Variants in NOX3 observed in about 807,000 individuals in gnomAD.
NOX3 encodes the protein NADPH oxidase catalytic subunit-like 3.
In NOX3, 74 loss-of-function variants were observed where a neutral mutation model predicts 76.7. The ratio of observed to expected loss-of-function variants is 0.96; its 90% CI spans 0.80 to 1.17. NOX3 has a LOEUF of 1.17. Among genes scored for constraint, NOX3 ranks in the 50% most tolerant of loss-of-function variants. The probability of loss-of-function intolerance (pLI) is 0.00; values close to 1 mark genes in which losing one functional copy is unlikely to be tolerated. For synonymous variants in NOX3, 263 were observed against 261.1 expected (o/e 1.01, Z -0.07); for missense variants, 695 against 703.3 (o/e 0.99, Z 0.13).
chr6:155,413,391 G>A (rs376934500), intron 10 of NOX3, among the ~76,000 whole-genome samples: 74 of 152,008 alleles, frequency 4.9e-4, no homozygotes, highest in East Asian at 4.3e-3. Context: ...CTTTGGGGCC[G>A]TTGTAGACTT....
intron 12 of NOX3, among the ~76,000 whole-genome samples, chr6:155,401,790 CA>C (rs5881135): frequency 0.15 from 15,054 of 99,308 alleles, 1,122 homozygotes; most frequent in East Asian, 0.27. Context: ...ACTGAAATTA[CA>C]AAAAAAAAAA....
In NOX3 at chr6:155,439,771, T is replaced by G. The variant is rs183870311; in HGVS notation, c.668+185A>C. 9.9e-5 allele frequency among the ~76,000 whole-genome samples: 15 copies of G among 152,232 alleles called. 1 individual carries two copies. The highest frequency in any genetic ancestry group is 7.2e-4 in the Admixed American group (11 of 15,292). ...AGAGAGGAAAAATAAATATAATACTTCACCATCTATGTAGCTTATTTTCAG... is the reference window on the plus strand; with the variant it reads ...AGAGAGGAAAAATAAATATAATACTGCACCATCTATGTAGCTTATTTTCAG... On this transcript the variant is annotated intron_variant, in intron 6 of 13. Transcript: ENST00000159060.
At chr6:155,427,813 T>C (rs1562465422) in intron 9 of NOX3, among the ~76,000 whole-genome samples, 1 of 152,230 alleles carries the variant, frequency 6.6e-6, no homozygotes, top group African/African-American at 2.4e-5. Flanking sequence ...CCGAAGCCAT[T>C]GTTTACTGAA....
chr6:155,415,350 C>A (rs762725066), intron 10 of NOX3, among the ~76,000 whole-genome samples: 11 of 152,252 alleles, frequency 7.2e-5, no homozygotes, highest in South Asian at 2.1e-4. Flanking sequence ...TGCTTTCAGG[C>A]GATTACATCT....
At chr6:155,420,202 T>TTTA (rs1456601850) in intron 10 of NOX3, among the ~76,000 whole-genome samples, 2 of 151,916 alleles carry the variant, frequency 1.3e-5, no homozygotes, top group Non-Finnish European at 2.9e-5. Context: ...GTGAGTCGGG[T>TTTA]GTAATGACAA....
chr6:155,398,181 G>T (rs766784760), intron 12 of NOX3, among the ~76,000 whole-genome samples: 9 of 151,948 alleles, frequency 5.9e-5, no homozygotes, highest in Non-Finnish European at 1.3e-4. Flanking sequence ...AAGCTTTACT[G>T]TGCATAAAAT....
chr6:155,426,493 G>A (rs1036055550), intron 9 of NOX3, among the ~76,000 whole-genome samples: 1 of 152,172 alleles, frequency 6.6e-6, no homozygotes, highest in African/African-American at 2.4e-5. Context: ...GCTGGGGGTT[G>A]TTTCATGTGC....
intron 9 of NOX3, among the ~76,000 whole-genome samples, chr6:155,423,151 C>G (rs898274432): frequency 6.6e-6 from 1 of 152,162 alleles, no homozygotes; most frequent in Non-Finnish European, 1.5e-5. Context: ...CTCCTTACAG[C>G]GCTTAGAAGC....
chr6:155,448,211 C>T (rs1777089793), intron 4 of NOX3, among the ~76,000 whole-genome samples: 2 of 152,114 alleles, frequency 1.3e-5, no homozygotes, highest in Non-Finnish European at 2.9e-5. Context: ...CTGTGTGGCT[C>T]CTGTGTCTTT....
intron 10 of NOX3, among the ~76,000 whole-genome samples, chr6:155,417,812 C>T (rs886929478): frequency 2.0e-5 from 3 of 151,978 alleles, no homozygotes; most frequent in Admixed American, 6.6e-5. Context: ...CTTTTTTGGC[C>T]TCTTTCCCTT....
chr6:155,395,719 TTA>T (rs1779130028), intron 13 of NOX3, 145 bp from the exon 14 acceptor site: 1 of 152,148 alleles, frequency 6.6e-6, no homozygotes, highest in Admixed American at 6.5e-5. Context: ...GTAGCAAGAA[TTA>T]TAAGATGTGA....
chr6:155,441,010 G>C (rs866337843), intron 5 of NOX3, among the ~76,000 whole-genome samples: 2 of 152,290 alleles, frequency 1.3e-5, no homozygotes, highest in Middle Eastern at 3.4e-3. Flanking sequence ...GTAAATCCTA[G>C]GTGATCAATA....
intron 3 of NOX3, among the ~76,000 whole-genome samples, chr6:155,454,310 G>T (rs1283096754): frequency 6.6e-6 from 1 of 152,192 alleles, no homozygotes; most frequent in African/African-American, 2.4e-5. Flanking sequence ...TTCTCTGCAT[G>T]CTATTTTGTT....
At chr6:155,434,617 G>A (rs1402798472) in intron 7 of NOX3, among the ~76,000 whole-genome samples, 1 of 152,132 alleles carries the variant, frequency 6.6e-6, no homozygotes, top group African/African-American at 2.4e-5. Context: ...CTTTCTAAAT[G>A]GGCCAGAAGA....
chr6:155,418,531 T>C (rs1776648912), intron 10 of NOX3, among the ~76,000 whole-genome samples: 1 of 152,224 alleles, frequency 6.6e-6, no homozygotes, highest in African/African-American at 2.4e-5. Flanking sequence ...CTTCTTGTTA[T>C]TTGGCCTTCT....
At chr6:155,438,397 G>A (rs539594216) in intron 6 of NOX3, among the ~76,000 whole-genome samples, 5 of 152,226 alleles carry the variant, frequency 3.3e-5, no homozygotes, top group African/African-American at 9.6e-5. Flanking sequence ...AGCAGAGTAC[G>A]GGTGAATGTG....
chr6:155,420,289 C>T (rs1031660026), intron 10 of NOX3, among the ~76,000 whole-genome samples: 1 of 152,116 alleles, frequency 6.6e-6, no homozygotes, highest in East Asian at 1.9e-4. Flanking sequence ...GACACGCTAT[C>T]CACCACCATC....
intron 7 of NOX3, among the ~76,000 whole-genome samples, chr6:155,432,921 G>C (rs1451488671): frequency 1.3e-5 from 2 of 152,202 alleles, no homozygotes; most frequent in Non-Finnish European, 2.9e-5. Context: ...ATGCTTGAAT[G>C]AACCAGAAAG....
intron 5 of NOX3, 33 bp downstream of exon 5, chr6:155,443,240 A>G: frequency 1.3e-6 from 2 of 1,590,266 alleles, no homozygotes; most frequent in Non-Finnish European, 1.7e-6. Context: ...CGGATTTTTC[A>G]GGGGAGAAGC....
Sources: gnomAD v4.1 joint callset for allele counts (sites outside exome capture counted in the v4.1 genomes callset) on GRCh38, gnomAD v4.1.1 for gene constraint, MANE v1.5 for transcripts, NCBI Gene and HGNC (gene_info 2026-07-23, HGNC 2026-07-21) for gene names.